Variants in TAF1 observed in about 807,000 individuals in gnomAD.
TAF1 encodes the protein TATA-box binding protein associated factor 1, also known as transcription initiation factor TFIID subunit 1.
TAF1 carries 2 observed loss-of-function variants against 138.5 expected under a neutral mutation model. The observed-to-expected ratio is 0.01, with a 90% CI of 0.01 to 0.05. TAF1 has a LOEUF of 0.05. Ranked by LOEUF, TAF1 falls within the 10% of genes least tolerant of loss-of-function variation. The probability of loss-of-function intolerance (pLI) is 1.00; values close to 1 mark genes in which losing one functional copy is unlikely to be tolerated. For synonymous variants in TAF1, 437 were observed against 503.2 expected, an observed-to-expected ratio of 0.87 and a Z score of 1.76; for missense variants, 709 against 1,478.0, an observed-to-expected ratio of 0.48 and a Z score of 8.53.
chrX:71,475,360 C>T (rs996454513), intron 13 of TAF1, among the ~76,000 whole-genome samples: 2 of 110,165 alleles, frequency 1.8e-5, no homozygotes, highest in Admixed American at 9.8e-5. Flanking sequence ...CTGAGGCGGG[C>T]GGATCACGAG....
chrX:71,367,763 C>T (rs1048159729), intron 2 of TAF1, 150 bp downstream of exon 2: 4 of 656,377 alleles, frequency 6.1e-6, no homozygotes, highest in African/African-American at 4.5e-5. Context: ...CTCCGCCACC[C>T]GGGTTCAAGC....
intron 29 of TAF1, among the ~76,000 whole-genome samples, chrX:71,422,322 ATT>A (rs757749745): frequency 2.1e-3 from 197 of 94,424 alleles, no homozygotes; most frequent in Middle Eastern, 0.011. Context: ...TTTTACTGGA[ATT>A]TTTTTTTTTT....
At chrX:71,419,440 C>T (rs980941663) in intron 28 of TAF1, among the ~76,000 whole-genome samples, 3 of 111,141 alleles carry the variant, frequency 2.7e-5, no homozygotes, top group Middle Eastern at 9.3e-3. Context: ...GTGCATTTCC[C>T]CAGGGAGAAG....
intron 13 of TAF1, among the ~76,000 whole-genome samples, chrX:71,473,610 C>T (rs1163200266): frequency 1.8e-5 from 2 of 109,679 alleles, no homozygotes; most frequent in Non-Finnish European, 1.9e-5. Context: ...CCTAGGAGTT[C>T]GAGAAGGCTA....
intron 32 of TAF1, among the ~76,000 whole-genome samples, chrX:71,442,374 A>G (rs138236459): frequency 1.2e-3 from 138 of 112,102 alleles, no homozygotes; most frequent in African/African-American, 4.2e-3. Context: ...GGTATGAGAT[A>G]GTATCTCATT....
chrX:71,452,509 C>T (rs1046955965), intron 32 of TAF1, among the ~76,000 whole-genome samples: 1 of 109,474 alleles, frequency 9.1e-6, no homozygotes, highest in African/African-American at 3.3e-5. Flanking sequence ...GGATGGCGGC[C>T]GGGAAGAAGC....
At chrX:71,437,074 TG>T in intron 32 of TAF1, among the ~76,000 whole-genome samples, 1 of 112,167 alleles carries the variant, frequency 8.9e-6, no homozygotes, top group Middle Eastern at 4.6e-3. Context: ...TGATAGTTTT[TG>T]TTGCTTTTGA....
At chrX:71,407,364 C>T (rs888814315) in intron 26 of TAF1, among the ~76,000 whole-genome samples, 5 of 109,267 alleles carry the variant, frequency 4.6e-5, no homozygotes, top group East Asian at 2.9e-4. Flanking sequence ...ATTACAGGCA[C>T]ATGCCACCAC....
At chrX:71,459,417 A>G in intron 35 of TAF1, 135 bp from the exon 36 acceptor site, 1 of 1,044,375 alleles carries the variant, frequency 9.6e-7, no homozygotes, top group South Asian at 2.4e-5. Flanking sequence ...TCCACCAAAA[A>G]TAATTACTTA....
rs1178972285 is a variant in TAF1 at position 71,464,237 on chromosome X, C to A, written c.*191C>A. 9.1e-6 allele frequency: 4 copies of A among 438,063 alleles called. No homozygotes were observed. The highest frequency in any genetic ancestry group is 7.4e-5 in the African/African-American group (3 of 40,474). The allele number at this position is 438,063 out of a possible 1,213,427, so 36.1% of individuals were successfully genotyped here. On this transcript the variant is annotated 3_prime_UTR_variant, in exon 38 of 38. Transcript: ENST00000423759. Reference sequence around the variant, plus strand: ...TCCTAATCTTCCTGGGGCAATGTCACCCTTTGATTTAAAACAAAGCAACCC... The same window carrying A: ...TCCTAATCTTCCTGGGGCAATGTCAACCTTTGATTTAAAACAAAGCAACCC...
chrX:71,488,865 G>A (rs946521153), intron 13 of TAF1, among the ~76,000 whole-genome samples: 2 of 109,367 alleles, frequency 1.8e-5, no homozygotes, highest in Non-Finnish European at 3.8e-5. Context: ...TCAGGAGTTC[G>A]AGACCAGCCT....
rs978103475 is a variant in TAF1 at position 71,458,123 on chromosome X, C to T, written c.4939-118C>T. 1.6e-5 allele frequency: 15 copies of T among 949,937 alleles called. No homozygotes were observed. The South Asian group carries it at 2.6e-4, about 16-fold the overall frequency. 78.3% of individuals were successfully genotyped at this position (949,937 alleles called of 1,213,427 possible). A position where few individuals can be genotyped will look rare whatever the true frequency, so the allele number is the denominator to read the frequency against. ...TGTAAAGCTGTGTCAAACTATGTTT[C>T]TCTTTAACTGAATTGCTCTGCATGA... On this transcript the variant is annotated intron_variant, in intron 34 of 37. Coordinates refer to ENST00000423759, the MANE Select transcript of TAF1 (RefSeq NM_004606.5).
chrX:71,421,323 T>C lies in TAF1; in HGVS notation c.4399T>C (p.Leu1467=). 3.3e-6 allele frequency: 4 copies of C among 1,209,657 alleles called. No homozygotes were observed. The highest frequency in any genetic ancestry group is 1.8e-5 in the South Asian group (1 of 56,854). ...TTCCTCTACAGGGCCAAAACACTCA[T>C]TGACTCAGATCTCTCAATCCATGCT... ...SATYNGPKHS[L]TQISQSMLDL... is the part of the protein sequence containing the mutation. Residue 1467 remains leucine, a synonymous_variant, in exon 29 of 38, where the codon TTG becomes CTG. Transcript: ENST00000423759.
At chrX:71,485,766 A>G (rs2039158713) in intron 13 of TAF1, among the ~76,000 whole-genome samples, 1 of 110,773 alleles carries the variant, frequency 9.0e-6, no homozygotes, top group East Asian at 2.8e-4. Flanking sequence ...CAGATATATG[A>G]TTTGCAAATA....
At chrX:71,421,223 A>T in intron 28 of TAF1, 86 bp from the exon 29 acceptor site, 1 of 849,421 alleles carries the variant, frequency 1.2e-6, no homozygotes, top group Non-Finnish European at 1.7e-6. Context: ...TTAGGTTCTT[A>T]AGTAAGTGCA....
At chrX:71,382,944 C>T (rs1424069556) in intron 11 of TAF1, 47 bp from the exon 12 acceptor site, 1 of 1,192,842 alleles carries the variant, frequency 8.4e-7, no homozygotes, top group Non-Finnish European at 1.1e-6. Flanking sequence ...GAAAATCTTG[C>T]TTAGGATGGA....
At chrX:71,493,344 G>T (rs750009126) in intron 13 of TAF1, among the ~76,000 whole-genome samples, 7 of 111,984 alleles carry the variant, frequency 6.3e-5, no homozygotes, top group Admixed American at 9.5e-5. Flanking sequence ...GATCTGATTG[G>T]CATGTCTCCA....
chrX:71,454,702 A>AT (rs765878609), intron 33 of TAF1, 39 bp from the exon 34 acceptor site: 2 of 1,151,614 alleles, frequency 1.7e-6, no homozygotes, highest in Non-Finnish European at 2.4e-6. Flanking sequence ...CCAGTACTTA[A>AT]AATACATGTT....
rs1273690741 is a variant in TAF1 at position 71,386,554 on chromosome X, T to C, written c.2227-707T>C. 3.6e-5 allele frequency among the ~76,000 whole-genome samples: 4 copies of C among 112,308 alleles called. No homozygotes were observed. In the Admixed American group the frequency reaches 3.8e-4, roughly 11 times the overall value. ...ATCTTGGCTCACTGCAACTTCTGCC[T>C]CCTGGGCTCAAGCCATCCTCCTACC... On this transcript the variant is annotated intron_variant, in intron 14 of 37. Coordinates refer to ENST00000423759, the MANE Select transcript of TAF1 (RefSeq NM_004606.5).
Sources: allele counts gnomAD v4.1 joint callset (sites outside exome capture counted in the v4.1 genomes callset), GRCh38; gene constraint gnomAD v4.1.1; transcripts MANE v1.5; gene names NCBI Gene and HGNC (gene_info 2026-07-23, HGNC 2026-07-21).